The following SLCO4A1 variants were observed in gnomAD, a reference collection of about 807,000 sequenced individuals.
SLCO4A1 encodes solute carrier organic anion transporter family member 4A1, also known as colon organic anion transporter.
A neutral mutation model predicts 64.6 loss-of-function variants in SLCO4A1; 51 were observed. The observed-to-expected ratio is 0.79, with a 90% CI of 0.63 to 1.00. The LOEUF is 1.00. SLCO4A1 is among the 50% of genes least tolerant of loss of function. The pLI is 0.00. For missense variants in SLCO4A1, 919 were observed against 980.5 expected, an observed-to-expected ratio of 0.94 and a Z score of 0.84; for synonymous variants, 471 against 444.9, an observed-to-expected ratio of 1.06 and a Z score of -0.74.
chr20:62,648,888 G>C (rs993491575), intron 1 of SLCO4A1: 1 of 152,280 alleles, frequency 6.6e-6, no homozygotes, highest in African/African-American at 2.4e-5. Context: ...CTCCTCGTGG[G>C]TGCGACAGTG....
At chr20:62,658,070 C>T (rs1397821053) in intron 2 of SLCO4A1, among the ~76,000 whole-genome samples, 1 of 152,204 alleles carries the variant, frequency 6.6e-6, no homozygotes, top group African/African-American at 2.4e-5. Context: ...TTCTCGGCGT[C>T]CCCCTGCCTG....
At position 62,657,025 on chromosome 20, in the gene SLCO4A1, C is replaced by G; in HGVS notation, c.571C>G (p.His191Asp). The part of the protein sequence containing the change: ...GTGSLVFALP[H>D]FTAGRYEVEL... Reference sequence around the variant, plus strand: ...GGGGTCGCTGGTGTTCGCGCTGCCCCACTTCACGGCTGGCCGCTATGAGGT... The same window carrying G: ...GGGGTCGCTGGTGTTCGCGCTGCCCGACTTCACGGCTGGCCGCTATGAGGT... Residue 191 changes from histidine (H) to aspartate (D), a missense_variant, in exon 2 of 12, where the codon CAC becomes GAC. Transcript: ENST00000217159. The G allele has an allele frequency of 6.3e-7, 1 of 1,587,638 alleles. No individual in the cohort carries two copies. The highest frequency in any genetic ancestry group is 8.6e-7 in the Non-Finnish European group (1 of 1,163,326).
intron 3 of SLCO4A1, among the ~76,000 whole-genome samples, chr20:62,659,080 T>C (rs1221829002): frequency 2.0e-5 from 3 of 152,212 alleles, no homozygotes; most frequent in Non-Finnish European, 4.4e-5. Context: ...TCTTTTCCTT[T>C]CTTTGTATCT....
Position 62,661,453 on chromosome 20 carries a change from A to C in SLCO4A1, c.1121+278A>C, listed in dbSNP as rs897473418. On this transcript the variant is annotated intron_variant, in intron 5 of 11. Coordinates refer to ENST00000217159, the MANE Select transcript of SLCO4A1 (RefSeq NM_016354.4). The surrounding 1 kb of genome is among the most constrained non-coding windows in gnomAD (Gnocchi z 5.2). ...CCATCACTTCACTCATACAGTGTGG[A>C]GACTCCTGTGGGCTGCGCCTGGCTC... Among the ~76,000 whole-genome samples the C allele has an allele frequency of 6.6e-6, 1 of 151,974 alleles. No individual in the cohort carries two copies. Among genetic ancestry groups the C allele is most frequent in the African/African-American group, 2.4e-5 (1 of 41,370 alleles).
downstream of SLCO4A1, among the ~76,000 whole-genome samples, chr20:62,674,054 G>A (rs1270780086): frequency 6.6e-6 from 1 of 152,194 alleles, no homozygotes; most frequent in Non-Finnish European, 1.5e-5. Context: ...GGGCAGGAGG[G>A]AATCAGGGTG....
intron 1 of SLCO4A1, chr20:62,651,936 C>T (rs985347034): frequency 6.0e-4 from 92 of 152,266 alleles, no homozygotes; most frequent in African/African-American, 2.0e-3. Context: ...CAATGGTTTA[C>T]GTGGGCTTGC....
At chr20:62,689,248 C>T (rs1304793790), downstream of SLCO4A1, among the ~76,000 whole-genome samples, 1 of 99,122 alleles carries the variant, frequency 1.0e-5, no homozygotes, top group African/African-American at 4.6e-5. Flanking sequence ...TGTCCCTGGC[C>T]GGCTGTGTCC....
chr20:62,687,928 C>T (rs902020015), downstream of SLCO4A1, among the ~76,000 whole-genome samples: 2 of 152,114 alleles, frequency 1.3e-5, no homozygotes, highest in Non-Finnish European at 2.9e-5. Flanking sequence ...CGGCCATGTC[C>T]TACCAGGCAC....
In SLCO4A1 at chr20:62,666,312, T is replaced by A. The variant is rs996757222; in HGVS notation, c.1277-68T>A. On this transcript the variant is annotated intron_variant, in intron 6 of 11. Coordinates refer to ENST00000217159, the MANE Select transcript of SLCO4A1 (RefSeq NM_016354.4). ...TCCCCACCTGTAAAGTGGACCCGGC[T>A]GATCCACCACCCTCTCCCACCACGG... The A allele has an allele frequency of 7.3e-5, 105 of 1,441,502 alleles. 3 individuals carry two copies. In the South Asian group the frequency reaches 8.3e-4, roughly 11 times the overall value. 89.3% of individuals were successfully genotyped at this position (1,441,502 alleles called of 1,614,324 possible).
intron 1 of SLCO4A1, chr20:62,643,072 G>T: frequency 2.1e-6 from 1 of 469,338 alleles, no homozygotes; most frequent in South Asian, 1.6e-5. Flanking sequence ...AAGTTTCTCG[G>T]GGGCGGCCGG....
chr20:62,656,646 C>T lies in SLCO4A1; in HGVS notation c.192C>T (p.Ala64=), dbSNP rs781134379. 1.6e-5 allele frequency: 25 copies of T among 1,602,810 alleles called. No homozygotes were observed. The highest frequency in any genetic ancestry group is 6.8e-5 in the East Asian group (3 of 44,302). The change falls in exon 2 of 12, where the codon GCC becomes GCT. Residue 64 remains alanine, a synonymous_variant. Transcript: ENST00000217159. ...TSKQPLCQLW[A]EKHGARGTHE... is the part of the protein sequence containing the mutation. ...AGCAGCCCCTCTGCCAGCTCTGGGCCGAGAAGCATGGCGCCCGGGGGACCC... is the reference window on the plus strand; with the variant it reads ...AGCAGCCCCTCTGCCAGCTCTGGGCTGAGAAGCATGGCGCCCGGGGGACCC...
intron 2 of SLCO4A1, among the ~76,000 whole-genome samples, chr20:62,681,538 G>T (rs990797457): frequency 0.013 from 124 of 9,840 alleles, 2 homozygotes; most frequent in Admixed American, 0.019. Flanking sequence ...GTACACACTC[G>T]TGTGTGTATT....
chr20:62,668,562 G>A, intron 10 of SLCO4A1, 21 bp downstream of exon 10: 1 of 1,602,908 alleles, frequency 6.2e-7, no homozygotes, highest in South Asian at 1.1e-5. Context: ...GTGTGAGGAA[G>A]CCATGGTCAG....
At chr20:62,688,203 A>G (rs1212472974), downstream of SLCO4A1, among the ~76,000 whole-genome samples, 1 of 152,204 alleles carries the variant, frequency 6.6e-6, no homozygotes, top group Non-Finnish European at 1.5e-5. Context: ...CTGGGCGTCC[A>G]CTGAGCAGCA....
downstream of SLCO4A1, among the ~76,000 whole-genome samples, chr20:62,676,629 A>C (rs369816378): frequency 6.6e-6 from 1 of 152,242 alleles, no homozygotes; most frequent in African/African-American, 2.4e-5. Flanking sequence ...ACAAACAAAC[A>C]AAACCAGAAA....
At position 62,668,791 on chromosome 20, in the gene SLCO4A1, C is replaced by A. The variant is rs1986833098; in HGVS notation, c.1877-139C>A. The A allele has an allele frequency of 1.4e-5, 13 of 897,794 alleles. No individual in the cohort carries two copies. The South Asian group carries it at 1.9e-4, about 13-fold the overall frequency. 55.6% of individuals were successfully genotyped at this position (897,794 alleles called of 1,614,324 possible). A position where few individuals can be genotyped will look rare whatever the true frequency, so the allele number is the denominator to read the frequency against. On this transcript the variant is annotated intron_variant, in intron 10 of 11. Transcript: ENST00000217159. Reference sequence around the variant, plus strand: ...ATGCCCAAAGAAAGGAACGTTTAAGCCCTCTTTGCACCCCCTGAGAACTCC... The same window carrying A: ...ATGCCCAAAGAAAGGAACGTTTAAGACCTCTTTGCACCCCCTGAGAACTCC...
chr20:62,660,080 C>T (rs545599839), intron 3 of SLCO4A1, among the ~76,000 whole-genome samples: 5 of 152,354 alleles, frequency 3.3e-5, no homozygotes, highest in African/African-American at 1.2e-4. Flanking sequence ...GGGATGCCTC[C>T]TCCCGCTGTT....
At chr20:62,663,951 C>T (rs1313605091) in intron 5 of SLCO4A1, among the ~76,000 whole-genome samples, 1 of 152,224 alleles carries the variant, frequency 6.6e-6, no homozygotes, top group Non-Finnish European at 1.5e-5. Flanking sequence ...TAGCCCTGCT[C>T]AGGCCTCCAA....
intron 1 of SLCO4A1, among the ~76,000 whole-genome samples, chr20:62,648,421 C>T (rs552752150): frequency 3.3e-4 from 51 of 152,350 alleles, no homozygotes; most frequent in Admixed American, 8.5e-4. Flanking sequence ...CCTGAAGTGG[C>T]TCACGGGCGG....
Sources: gnomAD v4.1 joint callset for allele counts (sites outside exome capture counted in the v4.1 genomes callset) on GRCh38, gnomAD v4.1.1 for gene constraint, Gnocchi (gnomAD v3.1) non-coding constraint, MANE v1.5 for transcripts, NCBI Gene and HGNC (gene_info 2026-07-23, HGNC 2026-07-21) for gene names.